RAD51B: variants seen among roughly 807,000 people sequenced by gnomAD.
The protein encoded by RAD51B is DNA repair protein RAD51 homolog 2.
RAD51B carries 38 observed loss-of-function variants against 42.2 expected under a neutral mutation model. The ratio of observed to expected loss-of-function variants is 0.90; its 90% confidence interval spans 0.70 to 1.18. The LOEUF (loss-of-function observed/expected upper bound fraction) is 1.18. RAD51B is among the 50% of genes most tolerant of loss of function. RAD51B has a pLI of 0.00. For synonymous variants in RAD51B, 154 were observed against 145.2 expected, an observed-to-expected ratio of 1.06 and a Z score of -0.43; for missense variants, 373 against 400.7, an observed-to-expected ratio of 0.93 and a Z score of 0.59.
chr14:67,931,036 T>C (rs1167486148), intron 7 of RAD51B, among the ~76,000 whole-genome samples: 1 of 152,094 alleles, frequency 6.6e-6, no homozygotes, highest in African/African-American at 2.4e-5. Flanking sequence ...TTCTCCTGCC[T>C]CAGCCTCCCA....
chr14:68,294,298 ATT>A (rs3837658), intron 8 of RAD51B, among the ~76,000 whole-genome samples: 11 of 151,716 alleles, frequency 7.3e-5, no homozygotes, highest in East Asian at 1.9e-4. Context: ...ATTTTTCTAG[ATT>A]TTTTTTTTGT....
chr14:68,658,525 C>T (rs533417629), intron 11 of RAD51B, among the ~76,000 whole-genome samples: 1 of 152,342 alleles, frequency 6.6e-6, no homozygotes, highest in East Asian at 1.9e-4. Flanking sequence ...TTCCCCATCA[C>T]CCCTTCATCT....
intron 7 of RAD51B, among the ~76,000 whole-genome samples, chr14:68,149,048 T>C (rs2078317255): frequency 6.6e-6 from 1 of 152,220 alleles, no homozygotes; most frequent in South Asian, 2.1e-4. Flanking sequence ...TTTACTCATT[T>C]TTAAAATCAG....
At chr14:68,522,894 G>A (rs1165211337) in intron 10 of RAD51B, among the ~76,000 whole-genome samples, 4 of 152,112 alleles carry the variant, frequency 2.6e-5, no homozygotes, top group Non-Finnish European at 5.9e-5. Context: ...CCTGACTCAG[G>A]AACAATTTGC....
intron 10 of RAD51B, among the ~76,000 whole-genome samples, chr14:68,490,085 T>C (rs772571442): frequency 7.2e-5 from 11 of 152,154 alleles, no homozygotes; most frequent in Non-Finnish European, 1.2e-4. Context: ...TCCAATCAAG[T>C]GTGGATGGTT....
chr14:68,619,682 C>T (rs1891904256), intron 10 of RAD51B, among the ~76,000 whole-genome samples: 1 of 152,102 alleles, frequency 6.6e-6, no homozygotes, highest in African/African-American at 2.4e-5. Context: ...ACAGTCTACT[C>T]TGAAAGACAT....
chr14:68,120,409 G>T (rs115368542), intron 7 of RAD51B, among the ~76,000 whole-genome samples: 12,663 of 152,152 alleles, frequency 0.083, 1,555 homozygotes, highest in African/African-American at 0.27. Context: ...AGTGGTTTAA[G>T]TTTCTAGCCC....
chr14:67,836,457 G>T (rs1374377522), intron 4 of RAD51B, among the ~76,000 whole-genome samples: 1 of 151,494 alleles, frequency 6.6e-6, no homozygotes, highest in African/African-American at 2.4e-5. Flanking sequence ...ATTAAGTCAA[G>T]CCTACATTTA....
chr14:68,680,938 T>A (rs1486055244), intron 11 of RAD51B, among the ~76,000 whole-genome samples: 1 of 152,098 alleles, frequency 6.6e-6, no homozygotes, highest in Non-Finnish European at 1.5e-5. Flanking sequence ...GGGTGTTTTT[T>A]TAAGAGTTAA....
At chr14:68,444,642 G>C (rs1005695852) in intron 9 of RAD51B, among the ~76,000 whole-genome samples, 2 of 152,212 alleles carry the variant, frequency 1.3e-5, no homozygotes, top group African/African-American at 2.4e-5. Flanking sequence ...ATCCAAGTCA[G>C]CTCCATGGGA....
chr14:68,586,392 G>A (rs139750554), intron 10 of RAD51B, among the ~76,000 whole-genome samples: 1 of 152,298 alleles, frequency 6.6e-6, no homozygotes, highest in East Asian at 1.9e-4. Context: ...GTGCGCCCAA[G>A]AACCTCACCG....
intron 8 of RAD51B, among the ~76,000 whole-genome samples, chr14:68,365,539 A>G (rs144940212): frequency 6.6e-6 from 1 of 152,352 alleles, no homozygotes; most frequent in Admixed American, 6.5e-5. Context: ...CTTTTCCAAA[A>G]CCACATGAGG....
intron 7 of RAD51B, among the ~76,000 whole-genome samples, chr14:67,918,576 C>T (rs1428156113): frequency 2.0e-5 from 3 of 152,122 alleles, no homozygotes; most frequent in Admixed American, 6.5e-5. Flanking sequence ...GAAAAATTTC[C>T]AGAACTGAAG....
chr14:67,825,578 G>T lies in RAD51B; in HGVS notation c.198+1G>T, dbSNP rs759079039. On this transcript the variant is annotated splice_donor_variant, in intron 3 of 10. Coordinates refer to ENST00000471583, the MANE Select transcript of RAD51B (RefSeq NM_133510.4). LOFTEE classifies it high-confidence loss of function. Reference sequence around the variant, plus strand: ...GGCCTGTGCCCCAAAGATGCAAACGGTATATTTATATTTTATTATGATTTG... The same window carrying T: ...GGCCTGTGCCCCAAAGATGCAAACGTTATATTTATATTTTATTATGATTTG... The T allele has an allele frequency of 2.0e-5, 32 of 1,575,526 alleles. No individual in the cohort carries two copies. In the Admixed American group the frequency reaches 4.8e-4, roughly 24 times the overall value.
At chr14:68,158,363 C>T (rs1362333719) in intron 7 of RAD51B, among the ~76,000 whole-genome samples, 1 of 152,144 alleles carries the variant, frequency 6.6e-6, no homozygotes, top group Non-Finnish European at 1.5e-5. Flanking sequence ...TTTGCATCTG[C>T]CAAGTAAATG....
At chr14:68,050,993 C>A (rs1474970505) in intron 7 of RAD51B, among the ~76,000 whole-genome samples, 3 of 151,360 alleles carry the variant, frequency 2.0e-5, no homozygotes, top group African/African-American at 7.3e-5. Context: ...ATTGGATGAG[C>A]AGATATTAAA....
At chr14:68,339,083 G>A (rs2082519155) in intron 8 of RAD51B, 2 of 682,498 alleles carry the variant, frequency 2.9e-6, no homozygotes, top group East Asian at 5.5e-5. Flanking sequence ...GAGCTTTCTT[G>A]TTCTCCACCA....
chr14:68,461,424 T>C (rs2085843461), intron 9 of RAD51B, among the ~76,000 whole-genome samples: 1 of 151,880 alleles, frequency 6.6e-6, no homozygotes, highest in South Asian at 2.1e-4. Flanking sequence ...TTGAGTTGTA[T>C]GTGGCAGATT....
intron 7 of RAD51B, among the ~76,000 whole-genome samples, chr14:68,013,611 A>T (rs2075725065): frequency 6.6e-6 from 1 of 152,240 alleles, no homozygotes; most frequent in South Asian, 2.1e-4. Flanking sequence ...TATTTTACAG[A>T]TGAGGAAACT....
Sources: gnomAD v4.1 joint callset for allele counts (sites outside exome capture counted in the v4.1 genomes callset) on GRCh38, gnomAD v4.1.1 for gene constraint, MANE v1.5 for transcripts, NCBI Gene and HGNC (gene_info 2026-07-23, HGNC 2026-07-21) for gene names.